TCF4: variants seen among roughly 807,000 people sequenced by gnomAD.
TCF4 encodes SL3-3 enhancer factor 2.
Under a neutral mutation model 82.1 loss-of-function variants are expected in TCF4, and 3 were observed. The observed-to-expected ratio is 0.04, with a 90% CI of 0.02 to 0.09. The LOEUF (loss-of-function observed/expected upper bound fraction) is 0.09. Among genes scored for constraint, TCF4 ranks in the 10% least tolerant of loss-of-function variants. The pLI is 1.00. For synonymous variants in TCF4, 276 were observed against 309.6 expected (o/e 0.89, Z 1.14); for missense variants, 518 against 852.7 (o/e 0.61, Z 4.89).
At chr18:55,466,398 G>A (rs1312954903) in intron 3 of TCF4, among the ~76,000 whole-genome samples, 1 of 152,052 alleles carries the variant, frequency 6.6e-6, no homozygotes, top group Non-Finnish European at 1.5e-5. Flanking sequence ...TGGAGGGGCC[G>A]AGGCAGGAAG....
intron 10 of TCF4, among the ~76,000 whole-genome samples, chr18:55,270,609 C>T (rs1267912119): frequency 6.6e-6 from 1 of 152,086 alleles, no homozygotes; most frequent in African/African-American, 2.4e-5. Flanking sequence ...ACTTTCTTTC[C>T]ATGCCCCACC....
chr18:55,463,072 C>T (rs748505194), intron 4 of TCF4, among the ~76,000 whole-genome samples: 2 of 152,138 alleles, frequency 1.3e-5, no homozygotes, highest in African/African-American at 2.4e-5. Context: ...TAAAATGTTA[C>T]CCTCCCTGCA....
intron 2 of TCF4, among the ~76,000 whole-genome samples, chr18:55,610,844 T>C (rs558775664): frequency 6.6e-6 from 1 of 152,302 alleles, no homozygotes; most frequent in East Asian, 1.9e-4. Context: ...GGATTTAATA[T>C]AATTGATGAA....
intron 3 of TCF4, among the ~76,000 whole-genome samples, chr18:55,532,372 AGCTGTCTAGTGGGCCCTTGGTG>A (rs2097073412): frequency 6.6e-6 from 1 of 152,216 alleles, no homozygotes; most frequent in Admixed American, 6.5e-5. Flanking sequence ...ACTTCTAAGG[AGCTGTCTAGTGGGCCCTTGGTG>A]GCTCTTCCAA....
intron 1 of TCF4, chr18:55,635,628 A>G (rs2097735624): frequency 1.1e-5 from 17 of 1,479,626 alleles, no homozygotes; most frequent in East Asian, 2.5e-5. Flanking sequence ...ATGTTTGGCC[A>G]TGGTGGCCAT....
intron 14 of TCF4, among the ~76,000 whole-genome samples, chr18:55,255,341 G>A (rs776642460): frequency 6.6e-6 from 1 of 152,124 alleles, no homozygotes; most frequent in Admixed American, 6.6e-5. Context: ...AACTAAAGTA[G>A]TATAAGATTT....
intron 8 of TCF4, among the ~76,000 whole-genome samples, chr18:55,349,730 T>A (rs2081950286): frequency 6.6e-6 from 1 of 152,032 alleles, no homozygotes; most frequent in Admixed American, 6.6e-5. Context: ...ACAACCAACT[T>A]TTGCTGTACT....
At chr18:55,299,626 T>C (rs2067536516) in intron 8 of TCF4, among the ~76,000 whole-genome samples, 1 of 152,184 alleles carries the variant, frequency 6.6e-6, no homozygotes. Flanking sequence ...CAAAACCTCA[T>C]GGGCTGCCCA....
At chr18:55,615,273 G>A (rs1258508408) in intron 2 of TCF4, among the ~76,000 whole-genome samples, 1 of 152,146 alleles carries the variant, frequency 6.6e-6, no homozygotes, top group African/African-American at 2.4e-5. Context: ...AGTTTTCAGT[G>A]TACAACACTT....
At chr18:55,518,537 A>C (rs913726011) in intron 3 of TCF4, among the ~76,000 whole-genome samples, 3 of 152,208 alleles carry the variant, frequency 2.0e-5, no homozygotes, top group African/African-American at 7.2e-5. Flanking sequence ...ATATGAAAAA[A>C]TGACACAGAA....
At chr18:55,333,449 G>GAAAAA (rs149636405) in intron 8 of TCF4, among the ~76,000 whole-genome samples, 3 of 138,590 alleles carry the variant, frequency 2.2e-5, no homozygotes, top group Non-Finnish European at 3.2e-5. Flanking sequence ...TCTCCCACCA[G>GAAAAA]AAAAAAAAAA....
chr18:55,498,654 C>T (rs950973873), intron 3 of TCF4, among the ~76,000 whole-genome samples: 12 of 152,234 alleles, frequency 7.9e-5, no homozygotes, highest in Non-Finnish European at 1.6e-4. Context: ...ACTTTTGTTT[C>T]CCACGCCATC....
chr18:55,465,985 G>T (rs746415387), intron 3 of TCF4, among the ~76,000 whole-genome samples: 18 of 152,138 alleles, frequency 1.2e-4, no homozygotes, highest in Non-Finnish European at 2.4e-4. Flanking sequence ...AATTTTAAAA[G>T]AGGATTTTAA....
chr18:55,371,165 C>T (rs2089036774), intron 6 of TCF4, among the ~76,000 whole-genome samples: 1 of 152,158 alleles, frequency 6.6e-6, no homozygotes, highest in Admixed American at 6.5e-5. Flanking sequence ...TCCACTTTGG[C>T]CACTGTATGC....
chr18:55,571,115 C>T (rs985407321), intron 3 of TCF4, among the ~76,000 whole-genome samples: 1 of 152,038 alleles, frequency 6.6e-6, no homozygotes, highest in African/African-American at 2.4e-5. Context: ...AAGTCTTACA[C>T]ATGTGCATCA....
intron 2 of TCF4, among the ~76,000 whole-genome samples, chr18:55,621,648 CATTAT>C (rs2097719745): frequency 1.0e-4 from 1 of 9,962 alleles, no homozygotes; most frequent in Non-Finnish European, 1.4e-4. Flanking sequence ...ATATAATATA[CATTAT>C]ATAATATACA....
At chr18:55,616,015 G>C (rs1318431485) in intron 2 of TCF4, among the ~76,000 whole-genome samples, 1 of 151,996 alleles carries the variant, frequency 6.6e-6, no homozygotes, top group Admixed American at 6.6e-5. Flanking sequence ...AATTAAAGAA[G>C]TTTTTCAGTG....
upstream of TCF4, chr18:55,589,744 A>G (rs991737527): frequency 9.8e-6 from 10 of 1,020,020 alleles, no homozygotes; most frequent in Non-Finnish European, 1.2e-5. Flanking sequence ...TCACATTGAT[A>G]ATAATAGGTT....
chr18:55,633,097 T>A lies in TCF4; in HGVS notation c.196-1709A>T, dbSNP rs192470478. 2.0e-4 allele frequency among the ~76,000 whole-genome samples: 30 copies of A among 152,328 alleles called. No individual in the cohort carries two copies. The East Asian group carries it at 3.9e-3, about 20-fold the overall frequency. On this transcript the variant is annotated intron_variant, in intron 1 of 20. Coordinates refer to the TCF4 transcript ENST00000398339. The surrounding 1 kb of genome is among the most constrained non-coding windows in gnomAD (Gnocchi z 4.0). ...GAAGCTTAGTGGCTTAAAACAACATTAAGTATTTATTATCCTCACAGTTTC... is the reference window on the plus strand; with the variant it reads ...GAAGCTTAGTGGCTTAAAACAACATAAAGTATTTATTATCCTCACAGTTTC...
Sources: gnomAD v4.1 joint callset for allele counts (sites outside exome capture counted in the v4.1 genomes callset) on GRCh38, gnomAD v4.1.1 for gene constraint, Gnocchi (gnomAD v3.1) non-coding constraint, MANE v1.5 for transcripts, NCBI Gene and HGNC (gene_info 2026-07-23, HGNC 2026-07-21) for gene names.